Variants in KLRG1 observed in about 807,000 individuals in gnomAD.
The protein encoded by KLRG1 is killer cell lectin like receptor G1.
In KLRG1, 16 loss-of-function variants were observed where a neutral mutation model predicts 21.8. The ratio of observed to expected loss-of-function variants is 0.73; its 90% CI spans 0.50 to 1.11. The LOEUF (loss-of-function observed/expected upper bound fraction) is 1.11, where lower values mean the gene tolerates loss of function less well. Ranked by LOEUF, KLRG1 falls within the 50% of genes most tolerant of loss-of-function variation. The probability of loss-of-function intolerance (pLI) is 0.00; values close to 1 mark genes in which losing one functional copy is unlikely to be tolerated. For missense variants in KLRG1, 173 were observed against 218.3 expected (o/e 0.79, Z 1.31); for synonymous variants, 69 against 75.9 (o/e 0.91, Z 0.47).
upstream of KLRG1, among the ~76,000 whole-genome samples, chr12:8,988,867 C>T (rs746449490): frequency 6.6e-6 from 1 of 152,200 alleles, no homozygotes; most frequent in Non-Finnish European, 1.5e-5. Flanking sequence ...CAGGCGTGAG[C>T]CACCACACCT....
At chr12:9,063,556 A>G in the KLRG1 span, among the ~76,000 whole-genome samples, 2 of 152,162 alleles carry the variant, frequency 1.3e-5, no homozygotes, top group African/African-American at 4.8e-5. Context: ...ATTCTACGTA[A>G]TTTTAATTCC....
At chr12:8,974,001 T>C (rs995330766) in intron 1 of KLRG1, among the ~76,000 whole-genome samples, 2 of 152,138 alleles carry the variant, frequency 1.3e-5, no homozygotes, top group Non-Finnish European at 2.9e-5. Context: ...GCTATAGTTT[T>C]ACTTCTTTCT....
At chr12:9,111,956 G>C in the KLRG1 span, 1 of 739,388 alleles carries the variant, frequency 1.4e-6, no homozygotes, top group Non-Finnish European at 2.5e-6. Flanking sequence ...AACTGACTGA[G>C]TACCAGCACC....
At chr12:9,009,329 G>A (rs951992431) in intron 4 of KLRG1, 97 bp from the exon 5 acceptor site, 1 of 1,480,216 alleles carries the variant, frequency 6.8e-7, no homozygotes, top group African/African-American at 1.4e-5. Flanking sequence ...GGCCTGAATA[G>A]GGAGACAGAA....
chr12:8,964,177 C>A (rs1408306494), intron 1 of KLRG1, among the ~76,000 whole-genome samples: 2 of 152,304 alleles, frequency 1.3e-5, no homozygotes, highest in Admixed American at 6.5e-5. Context: ...GCATTTAGTG[C>A]TATAAATTTC....
At chr12:9,173,308 G>C in the KLRG1 span, among the ~76,000 whole-genome samples, 1 of 152,164 alleles carries the variant, frequency 6.6e-6, no homozygotes, top group Admixed American at 6.5e-5. Flanking sequence ...GCAATCTCTG[G>C]GATGCAGCTA....
At position 9,010,445 on chromosome 12, in the gene KLRG1, T is replaced by C. The variant is rs917359803; in HGVS notation, c.*908T>C. On this transcript the variant is annotated 3_prime_UTR_variant, in exon 5 of 5. Transcript: ENST00000356986. ...GATAAGGCATTTTCATAGAGGAAAG[T>C]TTACAGAAACAGTTTATGTGGTTGG... 7 of 160,250 alleles carry C rather than the reference T, an allele frequency of 4.4e-5. No homozygotes were observed. The highest frequency in any genetic ancestry group is 1.7e-4 in the African/African-American group (7 of 41,538). 9.9% of individuals were successfully genotyped at this position (160,250 alleles called of 1,614,324 possible). A position where few individuals can be genotyped will look rare whatever the true frequency, so the allele number is the denominator to read the frequency against.
chr12:9,203,999 C>A, the KLRG1 span: 1 of 1,492,178 alleles, frequency 6.7e-7, no homozygotes, highest in Non-Finnish European at 9.2e-7. Context: ...TGATAGTAAG[C>A]GTTTTCATCC....
At chr12:9,180,828 C>T in the KLRG1 span, among the ~76,000 whole-genome samples, 100 of 152,306 alleles carry the variant, frequency 6.6e-4, no homozygotes, top group South Asian at 5.2e-3. Flanking sequence ...AGAGCTTCTG[C>T]ACAGCAAAAG....
the KLRG1 span, chr12:9,200,424 A>T: frequency 6.2e-7 from 1 of 1,611,030 alleles, no homozygotes; most frequent in Non-Finnish European, 8.5e-7. Context: ...TGGCACCTGA[A>T]CTTTGACCTC....
At chr12:9,159,903 C>T in the KLRG1 span, 1 of 1,543,026 alleles carries the variant, frequency 6.5e-7, no homozygotes, top group Non-Finnish European at 9.0e-7. Flanking sequence ...GTTCTGAACT[C>T]ATAGTTGAAA....
the KLRG1 span, among the ~76,000 whole-genome samples, chr12:9,039,392 G>A: frequency 4.6e-5 from 7 of 152,156 alleles, no homozygotes; most frequent in African/African-American, 1.7e-4. Flanking sequence ...CTAATAATTT[G>A]TGTACACAGA....
the KLRG1 span, among the ~76,000 whole-genome samples, chr12:9,180,454 A>G: frequency 6.6e-6 from 1 of 152,224 alleles, no homozygotes; most frequent in Non-Finnish European, 1.5e-5. Flanking sequence ...AAACAGAGAT[A>G]TAGATCAATG....
At chr12:9,154,651 G>A in the KLRG1 span, 3 of 1,614,090 alleles carry the variant, frequency 1.9e-6, no homozygotes, top group Admixed American at 5.0e-5. Flanking sequence ...GCGTTCTGCT[G>A]CTTCATGATC....
the KLRG1 span, among the ~76,000 whole-genome samples, chr12:9,097,003 G>A: frequency 6.6e-6 from 1 of 152,170 alleles, no homozygotes; most frequent in Non-Finnish European, 1.5e-5. Context: ...CTTGAGAAGA[G>A]TTGGTGTTTT....
chr12:8,980,428 C>T (rs928780437), intron 1 of KLRG1, among the ~76,000 whole-genome samples: 2 of 152,030 alleles, frequency 1.3e-5, no homozygotes, highest in African/African-American at 4.8e-5. Flanking sequence ...AAATCTATTG[C>T]GTTTTTTGGT....
the KLRG1 span, among the ~76,000 whole-genome samples, chr12:9,129,131 C>T: frequency 2.6e-5 from 4 of 152,200 alleles, no homozygotes; most frequent in Admixed American, 6.5e-5. Context: ...AAAACCTACA[C>T]AGGCACATCG....
chr12:8,959,472 A>G (rs924465960), intron 1 of KLRG1, among the ~76,000 whole-genome samples: 1 of 152,202 alleles, frequency 6.6e-6, no homozygotes, highest in Admixed American at 6.5e-5. Context: ...CCGTTGTTTC[A>G]GTTCTCCAGC....
At chr12:9,148,509 T>C in the KLRG1 span, among the ~76,000 whole-genome samples, 1 of 152,202 alleles carries the variant, frequency 6.6e-6, no homozygotes, top group Non-Finnish European at 1.5e-5. Flanking sequence ...TGCACTTTAA[T>C]TATCAATTCT....
Sources: allele counts gnomAD v4.1 joint callset (sites outside exome capture counted in the v4.1 genomes callset), GRCh38; gene constraint gnomAD v4.1.1; transcripts MANE v1.5; gene names NCBI Gene and HGNC (gene_info 2026-07-23, HGNC 2026-07-21).